SPIRE2: variants seen among roughly 807,000 people sequenced by gnomAD.
SPIRE2 encodes the protein spire type actin nucleation factor 2.
SPIRE2 carries 76 observed loss-of-function variants against 80.7 expected under a neutral mutation model. The observed-to-expected ratio is 0.94, with a 90% CI of 0.78 to 1.14. SPIRE2 has a LOEUF of 1.14. SPIRE2 is among the 50% of genes most tolerant of loss of function. SPIRE2 has a pLI of 0.00. For synonymous variants in SPIRE2, 535 were observed against 432.6 expected (o/e 1.24, Z -2.94); for missense variants, 1,196 against 1,015.3 (o/e 1.18, Z -2.42).
chr16:89,859,322 C>T lies in SPIRE2; in HGVS notation c.1430C>T (p.Ala477Val), dbSNP rs139952968. Residue 477 changes from alanine (A) to valine (V), a missense_variant, in exon 9 of 15, where the codon GCG (alanine) becomes GTG (valine). Physicochemically the swap from Ala to Val is moderately conservative, Grantham distance 64. Transcript: ENST00000378247. ...CCACCACGGCCCCGAGCTGGCAGTGCGCATGTGTGGAGGCCCGGCTCCCGA... is the reference window on the plus strand; with the variant it reads ...CCACCACGGCCCCGAGCTGGCAGTGTGCATGTGTGGAGGCCCGGCTCCCGA... ...TEPPRPRAGSAHVWRPGSRDQ... is the reference protein window; with the variant it reads ...TEPPRPRAGSVHVWRPGSRDQ... The T allele has an allele frequency of 7.0e-5, 111 of 1,587,830 alleles. No homozygotes were observed. The Middle Eastern group carries it at 1.2e-3, about 17-fold the overall frequency.
intron 1 of SPIRE2, among the ~76,000 whole-genome samples, chr16:89,834,751 C>T (rs1179710835): frequency 9.5e-6 from 1 of 104,788 alleles, no homozygotes; most frequent in Admixed American, 9.6e-5. Context: ...TGCCCGCACT[C>T]GCGGTTGGCC....
chr16:89,869,944 C>G, intron 14 of SPIRE2, 106 bp from the exon 15 acceptor site: 1 of 1,000,424 alleles, frequency 1.0e-6, no homozygotes, highest in Non-Finnish European at 1.5e-6. Context: ...AAGGGGAGGC[C>G]TAGGGTGAAA....
intron 1 of SPIRE2, chr16:89,836,105 G>A: frequency 4.7e-6 from 2 of 429,356 alleles, no homozygotes; most frequent in Non-Finnish European, 9.5e-6. Context: ...AATCTGGGAG[G>A]CGGAGGTTGT....
At chr16:89,839,717 A>G (rs2041485935) in intron 1 of SPIRE2, among the ~76,000 whole-genome samples, 1 of 152,188 alleles carries the variant, frequency 6.6e-6, no homozygotes, top group Non-Finnish European at 1.5e-5. Flanking sequence ...GGCCTCATCA[A>G]GATGTGTGAG....
intron 10 of SPIRE2, among the ~76,000 whole-genome samples, chr16:89,861,303 G>A (rs899164616): frequency 6.6e-5 from 10 of 152,248 alleles, no homozygotes; most frequent in African/African-American, 2.4e-4. Flanking sequence ...GGAGTGTGCG[G>A]CCCGTGGGCC....
intron 5 of SPIRE2, among the ~76,000 whole-genome samples, 170 bp downstream of exon 5, chr16:89,854,821 C>G (rs911520275): frequency 4.6e-5 from 7 of 152,136 alleles, no homozygotes; most frequent in Admixed American, 2.0e-4. Context: ...GAGATGTGGT[C>G]CCAATTCCCA....
intron 1 of SPIRE2, among the ~76,000 whole-genome samples, chr16:89,842,190 T>G (rs1276060015): frequency 6.8e-6 from 1 of 148,140 alleles, no homozygotes; most frequent in Non-Finnish European, 1.5e-5. Context: ...TAAATACAAT[T>G]AGATTCATGA....
intron 7 of SPIRE2, 91 bp downstream of exon 7, chr16:89,856,327 G>A (rs116983808): frequency 0.04 from 56,402 of 1,415,226 alleles, 1,498 homozygotes; most frequent in South Asian, 0.11. Flanking sequence ...GGAAGGTGGC[G>A]TCTCCCTGAG....
chr16:89,869,682 A>G lies in SPIRE2; in HGVS notation c.1922A>G (p.Gln641Arg). 6.2e-7 allele frequency: 1 copy of G among 1,611,000 alleles called. No individual in the cohort carries two copies. Among genetic ancestry groups the G allele is most frequent in the Non-Finnish European group, 8.5e-7 (1 of 1,177,172 alleles). ...CCAATCCAGAGAAGAGACATCTTTC[A>G]GTGCGTTCTTCGCCTTGCTGCTGAT... ...TAPIQRRDIF[Q>R]SLQGPQWQSV... The change falls in exon 14 of 15, where the codon CAG becomes CGG. Residue 641 changes from glutamine to arginine, a missense_variant and splice_region_variant. Physicochemically the swap from Gln to Arg is conservative, Grantham distance 43. Transcript: ENST00000378247.
intron 7 of SPIRE2, among the ~76,000 whole-genome samples, chr16:89,857,179 C>T (rs926112033): frequency 6.7e-6 from 1 of 150,160 alleles, no homozygotes; most frequent in African/African-American, 2.5e-5. Context: ...CTCTGTCACC[C>T]CGGCTGTAGT....
Position 89,863,987 on chromosome 16 carries a change from C to G in SPIRE2, c.1778+126C>G. The G allele has an allele frequency of 1.5e-6, 1 of 669,022 alleles. No individual in the cohort carries two copies. 41.4% of individuals were successfully genotyped at this position (669,022 alleles called of 1,614,324 possible). ...TAGCATGTTCGATGGCTGATGAGTC[C>G]ACAAGATATGGTTAGTACGAATGAG... On this transcript the variant is annotated intron_variant, in intron 12 of 14. Transcript: ENST00000378247. This position sits in a 1 kb window ranked among gnomAD's most constrained non-coding sequence, Gnocchi z 4.3.
chr16:89,869,790 A>G (rs1344396242), intron 14 of SPIRE2, 108 bp downstream of exon 14: 1 of 856,232 alleles, frequency 1.2e-6, no homozygotes, highest in Non-Finnish European at 1.9e-6. Context: ...AGGACACCCC[A>G]AGGAAATGGA....
intron 1 of SPIRE2, among the ~76,000 whole-genome samples, chr16:89,844,012 T>C (rs1446660943): frequency 6.6e-6 from 1 of 150,380 alleles, no homozygotes; most frequent in Non-Finnish European, 1.5e-5. Flanking sequence ...TTTTTTTTTT[T>C]TGAGACAGGG....
chr16:89,853,153 A>C (rs917340309), intron 3 of SPIRE2, among the ~76,000 whole-genome samples: 2 of 152,098 alleles, frequency 1.3e-5, no homozygotes, highest in Non-Finnish European at 2.9e-5. Flanking sequence ...TGCTCAGATC[A>C]GTTTCTTACC....
At position 89,859,309 on chromosome 16, in the gene SPIRE2, C is replaced by T. The variant is rs150516247; in HGVS notation, c.1417C>T (p.Arg473Ter). The T allele has an allele frequency of 5.0e-6, 8 of 1,595,978 alleles. No individual in the cohort carries two copies. The highest frequency in any genetic ancestry group is 4.0e-5 in the African/African-American group (3 of 74,608). ...AGGAGGGACGGAGCCACCACGGCCC[C>T]GAGCTGGCAGTGCGCATGTGTGGAG... ...PPGGTEPPRP[R>*]AGSAHVWRPG... The change falls in exon 9 of 15, where the codon CGA becomes TGA. Residue 473 changes from arginine to a stop codon, truncating the protein, a stop_gained. Coordinates refer to ENST00000378247, the MANE Select transcript of SPIRE2 (RefSeq NM_032451.2). LOFTEE classifies it high-confidence loss of function.
At chr16:89,853,584 G>A (rs2041657846) in intron 3 of SPIRE2, among the ~76,000 whole-genome samples, 1 of 152,160 alleles carries the variant, frequency 6.6e-6, no homozygotes, top group African/African-American at 2.4e-5. Flanking sequence ...CCAAAGCAGT[G>A]TGGCGGGTAC....
intron 9 of SPIRE2, 105 bp downstream of exon 9, chr16:89,859,459 C>A: frequency 1.7e-6 from 1 of 587,168 alleles, no homozygotes; most frequent in South Asian, 5.3e-5. Context: ...GCAGGCAGCT[C>A]CCAGGGACCC....
chr16:89,845,384 CAAGT>C lies in SPIRE2; in HGVS notation c.288+21_288+24del. ...AGCCCAGGTACTTTTTAAAAAATTC[CAAGT>C]ATTACTTGATGTGTGTTAAAACGTA... On this transcript the variant is annotated intron_variant, in intron 2 of 14. Transcript: ENST00000378247. 6.2e-7 allele frequency: 1 copy of C among 1,604,730 alleles called. No homozygotes were observed. Among genetic ancestry groups the C allele is most frequent in the Non-Finnish European group, 8.5e-7 (1 of 1,171,440 alleles).
intron 2 of SPIRE2, chr16:89,847,024 G>T (rs925966944): frequency 1.3e-5 from 2 of 151,036 alleles, no homozygotes; most frequent in African/African-American, 4.9e-5. Flanking sequence ...TAGATTTACC[G>T]CAAGACCTAT....
Sources: allele counts gnomAD v4.1 joint callset (sites outside exome capture counted in the v4.1 genomes callset), GRCh38; gene constraint gnomAD v4.1.1; non-coding constraint Gnocchi (gnomAD v3.1); transcripts MANE v1.5; gene names NCBI Gene and HGNC (gene_info 2026-07-23, HGNC 2026-07-21).